Variants in ZNF536 observed in about 807,000 individuals in gnomAD.
The protein encoded by ZNF536 is zinc finger protein 536.
ZNF536 carries 13 observed loss-of-function variants against 84.5 expected under a neutral mutation model. That is an observed-to-expected ratio of 0.15 (90% confidence interval 0.10 to 0.24). The LOEUF (loss-of-function observed/expected upper bound fraction) is 0.24. Among genes scored for constraint, ZNF536 ranks in the 10% least tolerant of loss-of-function variants. ZNF536 has a pLI of 1.00. For missense variants in ZNF536, 1,536 were observed against 1,747.5 expected (o/e 0.88, Z 2.16); for synonymous variants, 811 against 742.5 (o/e 1.09, Z -1.50).
intron 1 of ZNF536, among the ~76,000 whole-genome samples, chr19:30,588,409 C>T (rs1000251237): frequency 6.6e-6 from 1 of 152,048 alleles, no homozygotes; most frequent in South Asian, 2.1e-4. Flanking sequence ...CCAGTTGACC[C>T]CTTTGAGGAG....
intron 1 of ZNF536, among the ~76,000 whole-genome samples, chr19:30,707,947 G>T (rs1316230487): frequency 6.6e-6 from 1 of 150,686 alleles, no homozygotes; most frequent in Non-Finnish European, 1.5e-5. Flanking sequence ...GGAGGCAGAG[G>T]TTGCAGTAAG....
At chr19:30,491,648 G>A (rs946468083) in intron 2 of ZNF536, among the ~76,000 whole-genome samples, 1 of 152,114 alleles carries the variant, frequency 6.6e-6, no homozygotes, top group Non-Finnish European at 1.5e-5. Flanking sequence ...AACCTGAATA[G>A]CATGGAGACC....
At chr19:30,606,963 G>A (rs1475864808) in intron 1 of ZNF536, among the ~76,000 whole-genome samples, 1 of 152,118 alleles carries the variant, frequency 6.6e-6, no homozygotes, top group African/African-American at 2.4e-5. Flanking sequence ...AGAAGGGAGG[G>A]GAAAGGGAGG....
At chr19:30,440,762 C>A (rs2051999182) in intron 1 of ZNF536, among the ~76,000 whole-genome samples, 1 of 152,042 alleles carries the variant, frequency 6.6e-6, no homozygotes, top group South Asian at 2.1e-4. Context: ...AAGAACAGAG[C>A]CAACTATGAA....
At chr19:30,514,074 T>C (rs1885406593) in intron 2 of ZNF536, among the ~76,000 whole-genome samples, 1 of 152,144 alleles carries the variant, frequency 6.6e-6, no homozygotes, top group African/African-American at 2.4e-5. Context: ...TGCCTCAGAG[T>C]GGTCCTTGAC....
At chr19:30,708,008 CA>C (rs60270540) in intron 1 of ZNF536, among the ~76,000 whole-genome samples, 3,966 of 102,830 alleles carry the variant, frequency 0.039, 51 homozygotes, top group South Asian at 0.056. Context: ...GAGACTCCAT[CA>C]AAAAAAAAAA....
intron 2 of ZNF536, among the ~76,000 whole-genome samples, chr19:30,478,039 C>A (rs2053920557): frequency 6.6e-6 from 1 of 152,132 alleles, no homozygotes; most frequent in Admixed American, 6.6e-5. Context: ...CCCTTAGCTC[C>A]ACCACTCTGC....
intron 1 of ZNF536, among the ~76,000 whole-genome samples, chr19:30,390,298 A>T (rs1432891230): frequency 6.6e-6 from 1 of 152,198 alleles, no homozygotes; most frequent in Non-Finnish European, 1.5e-5. Context: ...AATGCTAGGG[A>T]CTTCTCCTCT....
At chr19:30,377,362 C>T (rs1043396838) in intron 1 of ZNF536, among the ~76,000 whole-genome samples, 4 of 152,226 alleles carry the variant, frequency 2.6e-5, no homozygotes, top group African/African-American at 4.8e-5. Flanking sequence ...ACACTATAGT[C>T]GCTTCTGTGG....
At chr19:30,618,946 T>C (rs548737345) in intron 1 of ZNF536, among the ~76,000 whole-genome samples, 3 of 152,156 alleles carry the variant, frequency 2.0e-5, no homozygotes, top group Non-Finnish European at 4.4e-5. Context: ...AAAAGTGCAG[T>C]TTTGTATAAA....
intron 2 of ZNF536, among the ~76,000 whole-genome samples, chr19:30,487,151 C>T (rs1418757255): frequency 5.3e-5 from 8 of 152,192 alleles, no homozygotes; most frequent in East Asian, 3.8e-4. Context: ...ACGTTAAACT[C>T]GTTGACCCAG....
intron 2 of ZNF536, among the ~76,000 whole-genome samples, chr19:30,326,221 A>G (rs2047018496): frequency 6.6e-6 from 1 of 152,212 alleles, no homozygotes; most frequent in Non-Finnish European, 1.5e-5. Flanking sequence ...CCCCATTGCC[A>G]GGGACATGTC....
At chr19:30,616,069 A>T (rs1257805914) in intron 1 of ZNF536, among the ~76,000 whole-genome samples, 8 of 152,216 alleles carry the variant, frequency 5.3e-5, no homozygotes, top group Non-Finnish European at 1.2e-4. Flanking sequence ...TGTTTTTAAC[A>T]TCTTTTTTCA....
intron 2 of ZNF536, among the ~76,000 whole-genome samples, chr19:30,315,251 T>C (rs2046639971): frequency 6.6e-6 from 1 of 152,198 alleles, no homozygotes; most frequent in African/African-American, 2.4e-5. Context: ...TACTGTCCAA[T>C]GTGAGTCACA....
intron 1 of ZNF536, among the ~76,000 whole-genome samples, chr19:30,587,461 C>T (rs2047133835): frequency 6.6e-6 from 1 of 152,194 alleles, no homozygotes; most frequent in African/African-American, 2.4e-5. Context: ...CTCCATCACC[C>T]ATGGTGAAGC....
chr19:30,685,256 C>G (rs1353331622), intron 1 of ZNF536, among the ~76,000 whole-genome samples: 1 of 152,228 alleles, frequency 6.6e-6, no homozygotes, highest in African/African-American at 2.4e-5. Context: ...CATGCTTCAT[C>G]TTCCACAGGG....
At chr19:30,594,666 C>G (rs897472555) in intron 1 of ZNF536, among the ~76,000 whole-genome samples, 1 of 152,066 alleles carries the variant, frequency 6.6e-6, no homozygotes, top group Non-Finnish European at 1.5e-5. Context: ...AGGGCACCCC[C>G]TGGGTGAGGG....
intron 1 of ZNF536, among the ~76,000 whole-genome samples, chr19:30,270,933 T>C (rs137955112): frequency 8.8e-4 from 134 of 152,212 alleles, no homozygotes; most frequent in African/African-American, 3.1e-3. Context: ...TTTAGTGACA[T>C]TGGATTTTTT....
chr19:30,443,891 A>G lies in ZNF536; in HGVS notation c.329A>G (p.Asn110Ser), dbSNP rs773216743. Reference sequence around the variant, plus strand: ...TTGCAGCAGTTCCTCAACGGGCAGAACCTGGGCATCATGTCCCAGATGAGC... The same window carrying G: ...TTGCAGCAGTTCCTCAACGGGCAGAGCCTGGGCATCATGTCCCAGATGAGC... ...VDLQQFLNGQ[N>S]LGIMSQMSDI... The change falls in exon 2 of 5, where the codon AAC becomes AGC. Residue 110 changes from asparagine to serine, a missense_variant. Physicochemically the swap from Asn to Ser is conservative, Grantham distance 46. Coordinates refer to ENST00000355537, the MANE Select transcript of ZNF536 (RefSeq NM_014717.3). 1.4e-5 allele frequency: 22 copies of G among 1,613,652 alleles called. No individual in the cohort carries two copies. In the South Asian group the frequency reaches 2.4e-4, roughly 18 times the overall value.
Sources: gnomAD v4.1 joint callset for allele counts (sites outside exome capture counted in the v4.1 genomes callset) on GRCh38, gnomAD v4.1.1 for gene constraint, MANE v1.5 for transcripts, NCBI Gene and HGNC (gene_info 2026-07-23, HGNC 2026-07-21) for gene names.